The following AOPEP variants were observed in gnomAD, a reference collection of about 807,000 sequenced individuals.
AOPEP encodes the protein aminopeptidase O (putative), also known as aminopeptidase O.
Under a neutral mutation model 98.1 loss-of-function variants are expected in AOPEP, and 77 were observed. The ratio of observed to expected loss-of-function variants is 0.78; its 90% CI spans 0.65 to 0.95. AOPEP has a LOEUF of 0.95. Ranked by LOEUF, AOPEP falls within the 40% of genes least tolerant of loss-of-function variation. The pLI, the probability that AOPEP is intolerant of heterozygous loss-of-function variation, is 0.00. For missense variants in AOPEP, 1,024 were observed against 1,024.7 expected (o/e 1.00, Z 0.01); for synonymous variants, 346 against 365.3 (o/e 0.95, Z 0.60).
chr9:95,127,136 A>AAGAAGAATAAAAGTTATCTAATTTCTC, the AOPEP span: 160 of 154,474 alleles, frequency 1.0e-3, no homozygotes, highest in Non-Finnish European at 1.9e-3. Flanking sequence ...GGGGTTCATG[A>AAGAAGAATAAAAGTTATCTAATTTCTC]AGAAGAATAA....
chr9:95,091,511 G>A (rs529721290), downstream of AOPEP, among the ~76,000 whole-genome samples: 3 of 152,300 alleles, frequency 2.0e-5, no homozygotes, highest in South Asian at 6.2e-4. Context: ...ACTGTATAGG[G>A]GCACGGAGAC....
chr9:95,110,658 A>T, the AOPEP span: 3 of 1,048,084 alleles, frequency 2.9e-6, no homozygotes, highest in Non-Finnish European at 3.5e-6. Context: ...GTGTGTTTTC[A>T]AACAACAGAA....
intron 7 of AOPEP, among the ~76,000 whole-genome samples, chr9:94,943,129 A>C (rs2057202712): frequency 6.6e-6 from 1 of 152,204 alleles, no homozygotes. Flanking sequence ...ATTGGACTGC[A>C]TCAAAATTAA....
intron 5 of AOPEP, among the ~76,000 whole-genome samples, chr9:94,842,764 A>G (rs988915371): frequency 1.4e-4 from 22 of 152,186 alleles, no homozygotes; most frequent in Non-Finnish European, 2.6e-4. Flanking sequence ...TCATTTGACA[A>G]TATCTTTATT....
intron 5 of AOPEP, among the ~76,000 whole-genome samples, chr9:94,849,668 A>C (rs993995522): frequency 7.2e-5 from 11 of 152,046 alleles, no homozygotes; most frequent in African/African-American, 2.7e-4. Flanking sequence ...ATCAGGCATT[A>C]GAGTCACATA....
intron 1 of AOPEP, among the ~76,000 whole-genome samples, chr9:94,732,172 T>C (rs1830697366): frequency 6.6e-6 from 1 of 152,166 alleles, no homozygotes; most frequent in African/African-American, 2.4e-5. Context: ...CAGTATACTC[T>C]AGAGGATGTA....
chr9:94,932,914 A>G, intron 7 of AOPEP: 1 of 985,336 alleles, frequency 1.0e-6, no homozygotes, highest in Non-Finnish European at 1.2e-6. Flanking sequence ...TTGGCTGGAG[A>G]GCCTGTAATG....
At chr9:95,096,778 C>T in the AOPEP span, among the ~76,000 whole-genome samples, 15 of 152,356 alleles carry the variant, frequency 9.8e-5, no homozygotes, top group South Asian at 2.5e-3. Context: ...AACCTCACAC[C>T]AAAGTATGTG....
chr9:94,805,044 A>G (rs1848954542), intron 5 of AOPEP, among the ~76,000 whole-genome samples: 1 of 152,192 alleles, frequency 6.6e-6, no homozygotes, highest in African/African-American at 2.4e-5. Flanking sequence ...GTGAGGTCTT[A>G]AAATGGCTTT....
intron 5 of AOPEP, among the ~76,000 whole-genome samples, chr9:94,916,911 G>T (rs1333057515): frequency 3.9e-5 from 6 of 152,152 alleles, no homozygotes; most frequent in African/African-American, 1.4e-4. Flanking sequence ...GTTTAAGGCA[G>T]AACATGTACT....
rs556492038 is a variant in AOPEP, at chr9:95,059,708, C to T, written c.2116-986C>T. 2.6e-5 allele frequency among the ~76,000 whole-genome samples: 4 copies of T among 152,230 alleles called. No individual in the cohort carries two copies. The East Asian group carries it at 7.7e-4, about 29-fold the overall frequency. ...TGTACTGTTGACTTGATATCAGCTT[C>T]CAGACCTGTAATTGGGATTGACAGG... On this transcript the variant is annotated intron_variant, in intron 13 of 16. Coordinates refer to ENST00000375315, the MANE Select transcript of AOPEP (RefSeq NM_001193329.3).
chr9:94,922,264 G>A (rs150226470), intron 5 of AOPEP, among the ~76,000 whole-genome samples: 1 of 152,316 alleles, frequency 6.6e-6, no homozygotes, highest in East Asian at 1.9e-4. Context: ...TTCATGAATA[G>A]TCTTAGAGCG....
chr9:95,107,343 G>T, the AOPEP span: 2 of 1,502,120 alleles, frequency 1.3e-6, no homozygotes, highest in Middle Eastern at 2.3e-4. Flanking sequence ...TTATTTATTT[G>T]CTTTGAAACA....
At chr9:95,092,004 A>G (rs1564629198), downstream of AOPEP, among the ~76,000 whole-genome samples, 1 of 151,906 alleles carries the variant, frequency 6.6e-6, no homozygotes, top group Non-Finnish European at 1.5e-5. Flanking sequence ...AGCTTCGGTC[A>G]CCAGGCTGTG....
chr9:95,113,294 G>A, the AOPEP span, among the ~76,000 whole-genome samples: 13 of 152,188 alleles, frequency 8.5e-5, no homozygotes, highest in African/African-American at 2.2e-4. Flanking sequence ...GTGTCAACTC[G>A]GTGTGAGACT....
At chr9:94,939,397 G>A (rs1476724446) in intron 7 of AOPEP, among the ~76,000 whole-genome samples, 1 of 152,196 alleles carries the variant, frequency 6.6e-6, no homozygotes, top group Non-Finnish European at 1.5e-5. Flanking sequence ...AACAGCCCAT[G>A]TTCCTCCTTG....
chr9:95,150,174 A>G, the AOPEP span: 1 of 1,389,568 alleles, frequency 7.2e-7, no homozygotes, highest in South Asian at 1.2e-5. Context: ...AAAAAGGTCA[A>G]AGACAGATCA....
At chr9:94,753,359 A>G (rs1054239423) in intron 1 of AOPEP, among the ~76,000 whole-genome samples, 2 of 152,206 alleles carry the variant, frequency 1.3e-5, no homozygotes, top group African/African-American at 4.8e-5. Flanking sequence ...AAATAATAGC[A>G]ACAATAATAT....
At chr9:95,097,563 C>T in the AOPEP span, among the ~76,000 whole-genome samples, 1 of 152,344 alleles carries the variant, frequency 6.6e-6, no homozygotes, top group Admixed American at 6.5e-5. Context: ...GCTGGGACTG[C>T]TGCTGGCCGG....
Sources: gnomAD v4.1 joint callset for allele counts (sites outside exome capture counted in the v4.1 genomes callset) on GRCh38, gnomAD v4.1.1 for gene constraint, MANE v1.5 for transcripts, NCBI Gene and HGNC (gene_info 2026-07-23, HGNC 2026-07-21) for gene names.